The following MALRD1 variants were observed in gnomAD, a reference collection of about 807,000 sequenced individuals.
The protein encoded by MALRD1 is MAM and LDL-receptor class A domain-containing protein 1.
A neutral mutation model predicts 242.1 loss-of-function variants in MALRD1; 247 were observed. The observed-to-expected ratio is 1.02, with a 90% CI of 0.92 to 1.13. The LOEUF (loss-of-function observed/expected upper bound fraction) is 1.13, where lower values mean the gene tolerates loss of function less well. Ranked by LOEUF, MALRD1 falls within the 50% of genes most tolerant of loss-of-function variation. MALRD1 has a pLI of 0.00. For missense variants in MALRD1, 2,989 were observed against 2,533.1 expected (o/e 1.18, Z -3.86); for synonymous variants, 995 against 866.6 (o/e 1.15, Z -2.60).
chr10:19,439,062 A>C (rs996532564), intron 28 of MALRD1, among the ~76,000 whole-genome samples: 5 of 152,092 alleles, frequency 3.3e-5, no homozygotes, highest in African/African-American at 4.8e-5. Context: ...ATTTCCTCAA[A>C]ATTCTCACAG....
At position 19,205,002 on chromosome 10, in the gene MALRD1, A is replaced by T. The variant is rs769595078; in HGVS notation, c.2315A>T (p.Lys772Ile). ...VIWRVLYNQGKQWLEATIQLG... is the reference protein window; with the variant it reads ...VIWRVLYNQGIQWLEATIQLG... Reference sequence around the variant, plus strand: ...TGGAGAGTATTATACAATCAGGGCAAACAATGGTTGGAGGCAACCATTCAG... The same window carrying T: ...TGGAGAGTATTATACAATCAGGGCATACAATGGTTGGAGGCAACCATTCAG... The change falls in exon 17 of 40, where the codon AAA becomes ATA. Residue 772 changes from lysine (K) to isoleucine (I), a missense_variant. Transcript: ENST00000454679. 9 of 1,550,766 alleles carry T rather than the reference A, an allele frequency of 5.8e-6. No individual in the cohort carries two copies. The South Asian group carries it at 1.1e-4, about 18-fold the overall frequency.
chr10:19,144,871 C>A (rs1474002564), intron 10 of MALRD1, among the ~76,000 whole-genome samples: 2 of 152,114 alleles, frequency 1.3e-5, no homozygotes, highest in Non-Finnish European at 2.9e-5. Flanking sequence ...CTGCTACATA[C>A]TTGGAACTCA....
chr10:19,532,481 C>G (rs1420705991), intron 32 of MALRD1, among the ~76,000 whole-genome samples: 1 of 152,078 alleles, frequency 6.6e-6, no homozygotes, highest in African/African-American at 2.4e-5. Flanking sequence ...GTCTCAAATT[C>G]CTGACCTCAT....
At chr10:19,051,502 A>T (rs1834493765) in intron 1 of MALRD1, 1 of 194,690 alleles carries the variant, frequency 5.1e-6, no homozygotes, top group Non-Finnish European at 1.1e-5. Context: ...TCAATTTCCG[A>T]CTGTTGGAAA....
chr10:19,245,545 T>C (rs1449412964), intron 18 of MALRD1, among the ~76,000 whole-genome samples: 1 of 152,204 alleles, frequency 6.6e-6, no homozygotes, highest in Non-Finnish European at 1.5e-5. Context: ...CCTAGGACTT[T>C]TATTTGCATG....
chr10:19,515,735 C>A (rs368292839), intron 31 of MALRD1, among the ~76,000 whole-genome samples: 4 of 151,306 alleles, frequency 2.6e-5, no homozygotes, highest in Admixed American at 2.6e-4. Flanking sequence ...AATTTTTTTT[C>A]TTTTTTGTAT....
intron 29 of MALRD1, among the ~76,000 whole-genome samples, chr10:19,487,039 T>C (rs933423650): frequency 2.6e-5 from 4 of 152,158 alleles, no homozygotes; most frequent in African/African-American, 9.6e-5. Context: ...GGTCTTTACA[T>C]CTCTGTTTGT....
At chr10:19,601,669 C>G (rs915677052) in intron 34 of MALRD1, among the ~76,000 whole-genome samples, 22 of 151,726 alleles carry the variant, frequency 1.4e-4, no homozygotes, top group African/African-American at 5.1e-4. Context: ...GTATTTGTGC[C>G]AAAGTTGTGA....
chr10:19,150,605 G>A (rs901574428), intron 11 of MALRD1, among the ~76,000 whole-genome samples: 1 of 152,156 alleles, frequency 6.6e-6, no homozygotes, highest in African/African-American at 2.4e-5. Context: ...TAAGCTGTGG[G>A]AATTACAGGA....
intron 36 of MALRD1, among the ~76,000 whole-genome samples, chr10:19,685,106 A>T (rs978778903): frequency 6.6e-6 from 1 of 152,228 alleles, no homozygotes; most frequent in African/African-American, 2.4e-5. Context: ...CCTGGAATAA[A>T]TATAATTTAA....
chr10:19,428,187 G>A (rs1293156973), intron 28 of MALRD1, among the ~76,000 whole-genome samples: 1 of 151,730 alleles, frequency 6.6e-6, no homozygotes, highest in Admixed American at 6.6e-5. Flanking sequence ...TTAGGAGATG[G>A]GTGGATGATC....
At chr10:19,516,854 A>G (rs1469801059) in intron 31 of MALRD1, among the ~76,000 whole-genome samples, 1 of 151,982 alleles carries the variant, frequency 6.6e-6, no homozygotes, top group East Asian at 1.9e-4. Flanking sequence ...ATGAGGTCCT[A>G]CAGAAGACAG....
intron 26 of MALRD1, among the ~76,000 whole-genome samples, chr10:19,383,823 G>A (rs1432641530): frequency 6.6e-6 from 1 of 151,658 alleles, no homozygotes; most frequent in Non-Finnish European, 1.5e-5. Context: ...TAAGCCCTGG[G>A]TCTGCAGCAA....
chr10:19,407,833 A>G (rs900757267), intron 28 of MALRD1, among the ~76,000 whole-genome samples: 2 of 152,182 alleles, frequency 1.3e-5, no homozygotes, highest in Non-Finnish European at 2.9e-5. Context: ...TTACATAGCT[A>G]TGTTCCTCCT....
rs1836951420 is a variant in MALRD1, at chr10:19,209,634, G to A, written c.2945G>A (p.Arg982Lys). The A allele has an allele frequency of 6.4e-7, 1 of 1,551,048 alleles. No individual in the cohort carries two copies. Among genetic ancestry groups the A allele is most frequent in the Admixed American group, 2.0e-5 (1 of 50,992 alleles). The part of the protein sequence containing the change: ...LWQIFGNQGN[R>K]WIRKHLNISS... The stretch of plus-strand genomic sequence containing the variant: ...CAGATATTTGGGAATCAAGGCAACA[G>A]ATGGATTAGGAAACACCTCAACATT... The change falls in exon 18 of 40, where the codon AGA (arginine) becomes AAA (lysine). Residue 982 changes from arginine to lysine, a missense_variant. Physicochemically the swap from Arg to Lys is conservative, Grantham distance 26. Coordinates refer to ENST00000454679, the MANE Select transcript of MALRD1 (RefSeq NM_001142308.3).
At chr10:19,136,063 T>A (rs971300333) in intron 9 of MALRD1, among the ~76,000 whole-genome samples, 1 of 152,248 alleles carries the variant, frequency 6.6e-6, no homozygotes, top group African/African-American at 2.4e-5. Flanking sequence ...ATTCCTATAT[T>A]GTGTCTGTTT....
intron 36 of MALRD1, among the ~76,000 whole-genome samples, chr10:19,669,191 G>C (rs1453225153): frequency 6.6e-6 from 1 of 152,226 alleles, no homozygotes; most frequent in East Asian, 1.9e-4. Context: ...AAGCTCTCTA[G>C]AAGCTAGAAG....
chr10:19,360,496 A>T (rs576849055), intron 26 of MALRD1, among the ~76,000 whole-genome samples: 14 of 152,136 alleles, frequency 9.2e-5, no homozygotes, highest in Non-Finnish European at 1.8e-4. Flanking sequence ...TAGATTGTCT[A>T]CCCATCCCTG....
chr10:19,119,950 G>A (rs1217241274), intron 5 of MALRD1, among the ~76,000 whole-genome samples: 1 of 152,186 alleles, frequency 6.6e-6, no homozygotes, highest in Non-Finnish European at 1.5e-5. Context: ...TTTTGCAAAG[G>A]CGGTTTCAAG....
Sources: allele counts gnomAD v4.1 joint callset (sites outside exome capture counted in the v4.1 genomes callset), GRCh38; gene constraint gnomAD v4.1.1; transcripts MANE v1.5; gene names NCBI Gene and HGNC (gene_info 2026-07-23, HGNC 2026-07-21).